GLS: variants seen among roughly 807,000 people sequenced by gnomAD.
The protein encoded by GLS is glutaminase kidney isoform, mitochondrial.
GLS carries 36 observed loss-of-function variants against 86.7 expected under a neutral mutation model. The ratio of observed to expected loss-of-function variants is 0.42; its 90% confidence interval spans 0.32 to 0.55. The LOEUF is 0.55. Ranked by LOEUF, GLS falls within the 20% of genes least tolerant of loss-of-function variation. The pLI is 0.17. For synonymous variants in GLS, 317 were observed against 305.9 expected, an observed-to-expected ratio of 1.04 and a Z score of -0.38; for missense variants, 528 against 833.4, an observed-to-expected ratio of 0.63 and a Z score of 4.51.
At position 190,901,247 on chromosome 2, in the gene GLS, T is replaced by C. The variant is rs1431772270; in HGVS notation, c.735+554T>C. ...ACTGTTATAAGCGTTACCGATAACA[T>C]AAATAGTCTATTAACACATTTTGTA... On this transcript the variant is annotated intron_variant, in intron 4 of 17. Coordinates refer to ENST00000320717, the MANE Select transcript of GLS (RefSeq NM_014905.5). Among the ~76,000 whole-genome samples the C allele has an allele frequency of 2.0e-5, 3 of 152,034 alleles. 1 individual carries two copies. The highest frequency in any genetic ancestry group is 2.0e-4 in the Admixed American group (3 of 15,262).
chr2:190,894,653 G>A (rs1379522731), intron 1 of GLS, among the ~76,000 whole-genome samples: 2 of 152,160 alleles, frequency 1.3e-5, no homozygotes, highest in Non-Finnish European at 2.9e-5. Flanking sequence ...CAGGATTCAA[G>A]AACTTGTGCA....
Position 190,947,953 on chromosome 2 carries a change from C to A in GLS, c.1651-5612C>A, listed in dbSNP as rs1690619291. Among the ~76,000 whole-genome samples, 1 of 152,218 alleles carries A rather than the reference C, an allele frequency of 6.6e-6. No homozygotes were observed. Among genetic ancestry groups the A allele is most frequent in the Admixed American group, 6.5e-5 (1 of 15,280 alleles). ...AAGCAGACTGTCCCTAAATGAAATA[C>A]TCCATCTGTTGTCTCAAAAGTGTTA... On this transcript the variant is annotated intron_variant, in intron 14 of 17. Transcript: ENST00000320717. The surrounding 1 kb of genome is among the most constrained non-coding windows in gnomAD (Gnocchi z 5.0).
chr2:190,929,659 G>C (rs755230344), intron 12 of GLS, among the ~76,000 whole-genome samples: 1 of 151,768 alleles, frequency 6.6e-6, no homozygotes, highest in Non-Finnish European at 1.5e-5. Flanking sequence ...TTGTGGAGAC[G>C]GAGTTTTGCC....
Position 190,895,823 on chromosome 2 carries a change from G to T in GLS, c.605+98G>T. The T allele has an allele frequency of 1.2e-6, 1 of 848,090 alleles. No homozygotes were observed. The allele number at this position is 848,090 out of a possible 1,614,324, so 52.5% of individuals were successfully genotyped here. A position where few individuals can be genotyped will look rare whatever the true frequency, so the allele number is the denominator to read the frequency against. ...GCATCTTTGAAGGCCACTGCTTCCTGTGTAATGGAAAAAGGGGATTTATAA... is the reference window on the plus strand; with the variant it reads ...GCATCTTTGAAGGCCACTGCTTCCTTTGTAATGGAAAAAGGGGATTTATAA... On this transcript the variant is annotated intron_variant, in intron 3 of 17. Transcript: ENST00000320717. This position sits in a 1 kb window ranked among gnomAD's most constrained non-coding sequence, Gnocchi z 4.2.
At chr2:190,908,752 G>A (rs906100692) in intron 6 of GLS, among the ~76,000 whole-genome samples, 1 of 152,174 alleles carries the variant, frequency 6.6e-6, no homozygotes, top group Non-Finnish European at 1.5e-5. Flanking sequence ...GCGGGTTTCC[G>A]GATGTTCAGA....
intron 14 of GLS, among the ~76,000 whole-genome samples, chr2:190,945,957 G>T (rs550648150): frequency 2.8e-4 from 42 of 152,120 alleles, no homozygotes; most frequent in African/African-American, 8.9e-4. Context: ...CCAACCCTCC[G>T]AATCATATCA....
chr2:190,956,317 T>C lies in GLS; in HGVS notation c.1853+1499T>C, dbSNP rs945103816. On this transcript the variant is annotated intron_variant, in intron 17 of 17. Coordinates refer to ENST00000320717, the MANE Select transcript of GLS (RefSeq NM_014905.5). The surrounding 1 kb of genome is among the most constrained non-coding windows in gnomAD (Gnocchi z 4.2). ...TTTTGTATAAGGTGAAAGGAAGGGG[T>C]CCAGGTTCAGTTTTCTGCATATGGC... Among the ~76,000 whole-genome samples the C allele has an allele frequency of 6.6e-6, 1 of 152,138 alleles. No individual in the cohort carries two copies. Among genetic ancestry groups the C allele is most frequent in the African/African-American group, 2.4e-5 (1 of 41,424 alleles).
intron 7 of GLS, among the ~76,000 whole-genome samples, chr2:190,918,747 G>A (rs565011590): frequency 6.6e-6 from 1 of 152,214 alleles, no homozygotes; most frequent in Admixed American, 6.5e-5. Flanking sequence ...CTTTTTAAAA[G>A]TGAGAGATAT....
At chr2:190,900,051 ATAAAT>A (rs1688885530) in intron 3 of GLS, among the ~76,000 whole-genome samples, 1 of 152,188 alleles carries the variant, frequency 6.6e-6, no homozygotes, top group African/African-American at 2.4e-5. Flanking sequence ...CATTTAAGAC[ATAAAT>A]TAATCTGACT....
At position 190,881,065 on chromosome 2, in the gene GLS, G is replaced by A. The variant is rs1688138441; in HGVS notation, c.-20G>A. 1.3e-6 allele frequency: 2 copies of A among 1,543,358 alleles called. No individual in the cohort carries two copies. Among genetic ancestry groups the A allele is most frequent in the African/African-American group, 1.4e-5 (1 of 73,340 alleles). On this transcript the variant is annotated 5_prime_UTR_variant, in exon 1 of 18. Coordinates refer to ENST00000320717, the MANE Select transcript of GLS (RefSeq NM_014905.5). ...CGGAGCATCCTCCCCTGTTGAGCGG[G>A]CGCTGACGGACCCGGCGGCATGATG...
chr2:190,916,060 T>C (rs1178729119), intron 7 of GLS, among the ~76,000 whole-genome samples: 1 of 152,192 alleles, frequency 6.6e-6, no homozygotes, highest in Admixed American at 6.5e-5. Context: ...CACACCTCTG[T>C]AAAAATTAAA....
At chr2:190,933,035 A>G in intron 14 of GLS, 3 of 1,106,324 alleles carry the variant, frequency 2.7e-6, no homozygotes, top group Non-Finnish European at 3.4e-6. Flanking sequence ...GTAGATTAAG[A>G]AGTGCATTTG....
chr2:190,939,556 T>TA (rs201359068), intron 14 of GLS, among the ~76,000 whole-genome samples: 1,659 of 151,894 alleles, frequency 0.011, 39 homozygotes, highest in African/African-American at 0.038. Context: ...CATTTTATTG[T>TA]AAAATTCAAC....
chr2:190,933,874 G>A (rs767068482), intron 14 of GLS: 35 of 883,322 alleles, frequency 4.0e-5, no homozygotes, highest in Non-Finnish European at 4.6e-5. Flanking sequence ...TAGTCTGCAG[G>A]TAGTAAGTAT....
chr2:190,893,245 ATAACAAGCTAG>A (rs1688623193), intron 1 of GLS, among the ~76,000 whole-genome samples: 1 of 152,222 alleles, frequency 6.6e-6, no homozygotes, highest in Admixed American at 6.5e-5. Flanking sequence ...TATAAAAGTA[ATAACAAGCTAG>A]TAAGTTAGAG....
Position 190,920,108 on chromosome 2 carries a change from T to C in GLS, c.1039-916T>C, listed in dbSNP as rs890053910. ...GAGGGTAAAGTAAAAGAAAATATGT[T>C]TTAAAAACTTTAGTTGTCAAATTAT... On this transcript the variant is annotated intron_variant, in intron 7 of 17. Coordinates refer to ENST00000320717, the MANE Select transcript of GLS (RefSeq NM_014905.5). The surrounding 1 kb of genome is among the most constrained non-coding windows in gnomAD (Gnocchi z 4.2). The C allele has an allele frequency of 2.0e-5, 3 of 151,956 alleles. No homozygotes were observed. The highest frequency in any genetic ancestry group is 7.2e-5 in the African/African-American group (3 of 41,444). 9.4% of individuals were successfully genotyped at this position (151,956 alleles called of 1,614,324 possible).
chr2:190,924,475 CAT>C lies in GLS; in HGVS notation c.1198-63_1198-62del. 1 of 808,702 alleles carries C rather than the reference CAT, an allele frequency of 1.2e-6. No individual in the cohort carries two copies. The highest frequency in any genetic ancestry group is 2.2e-6 in the Non-Finnish European group (1 of 454,688). 50.1% of individuals were successfully genotyped at this position (808,702 alleles called of 1,614,324 possible). On this transcript the variant is annotated intron_variant, in intron 10 of 17. Transcript: ENST00000320717. The surrounding 1 kb of genome is among the most constrained non-coding windows in gnomAD (Gnocchi z 5.2). Reference sequence around the variant, plus strand: ...ACACTTGTGTACATTTGAAATTTTTCATATATTTCTCTACTTATGTGCATTCC... The same window carrying C: ...ACACTTGTGTACATTTGAAATTTTTCATATTTCTCTACTTATGTGCATTCC...
chr2:190,881,316 G>C lies in GLS; in HGVS notation c.232G>C (p.Glu78Gln). 2.0e-6 allele frequency: 3 copies of C among 1,514,610 alleles called. No homozygotes were observed. Among genetic ancestry groups the C allele is most frequent in the Non-Finnish European group, 2.7e-6 (3 of 1,131,820 alleles). The allele number at this position is 1,514,610 out of a possible 1,614,324, so 93.8% of individuals were successfully genotyped here. A position where few individuals can be genotyped will look rare whatever the true frequency, so the allele number is the denominator to read the frequency against. ...LARGLSSSPS[E>Q]ILQELGKGST... is the part of the protein sequence containing the mutation. ...GCGGGGCCTGTCCAGCTCTCCTTCGGAGATCTTGCAGGAGCTGGGCAAGGG... is the reference window on the plus strand; with the variant it reads ...GCGGGGCCTGTCCAGCTCTCCTTCGCAGATCTTGCAGGAGCTGGGCAAGGG... The change falls in exon 1 of 18, where the codon GAG becomes CAG. Residue 78 changes from glutamate to glutamine, a missense_variant. Transcript: ENST00000320717.
Position 190,938,804 on chromosome 2 carries a change from TTG to T in GLS, c.1650+7169_1650+7170del, listed in dbSNP as rs1436459765. 6.6e-6 allele frequency among the ~76,000 whole-genome samples: 1 copy of T among 151,710 alleles called. No homozygotes were observed. The highest frequency in any genetic ancestry group is 1.5e-5 in the Non-Finnish European group (1 of 67,654). On this transcript the variant is annotated intron_variant, in intron 14 of 17. Transcript: ENST00000320717. The surrounding 1 kb of genome is among the most constrained non-coding windows in gnomAD (Gnocchi z 4.1). Reference sequence around the variant, plus strand: ...TACCATCAGCATTTATTAAAACTAATTGTATTTTTCTAGTAAGCAGTCTTATG... The same window carrying T: ...TACCATCAGCATTTATTAAAACTAATTATTTTTCTAGTAAGCAGTCTTATG...
Sources: gnomAD v4.1 joint callset for allele counts (sites outside exome capture counted in the v4.1 genomes callset) on GRCh38, gnomAD v4.1.1 for gene constraint, Gnocchi (gnomAD v3.1) non-coding constraint, MANE v1.5 for transcripts, NCBI Gene and HGNC (gene_info 2026-07-23, HGNC 2026-07-21) for gene names.